CEP83: variants seen among roughly 807,000 people sequenced by gnomAD.
CEP83 encodes the protein centrosomal protein 83.
CEP83 carries 70 observed loss-of-function variants against 101.9 expected under a neutral mutation model. The observed-to-expected ratio is 0.69, with a 90% CI of 0.57 to 0.84. The LOEUF (loss-of-function observed/expected upper bound fraction) is 0.84. Ranked by LOEUF, CEP83 falls within the 40% of genes least tolerant of loss-of-function variation. The probability of loss-of-function intolerance (pLI) is 0.00; values close to 1 mark genes in which losing one functional copy is unlikely to be tolerated. For synonymous variants in CEP83, 264 were observed against 267.9 expected, an observed-to-expected ratio of 0.99 and a Z score of 0.14; for missense variants, 715 against 787.2, an observed-to-expected ratio of 0.91 and a Z score of 1.10.
chr12:94,271,451 C>A, the CEP83 span, among the ~76,000 whole-genome samples: 1 of 152,334 alleles, frequency 6.6e-6, no homozygotes, highest in East Asian at 1.9e-4. Context: ...CCCAAAACCA[C>A]CAAATCATGT....
intron 1 of CEP83, among the ~76,000 whole-genome samples, chr12:94,452,026 A>T (rs1026016198): frequency 6.6e-6 from 1 of 152,246 alleles, no homozygotes; most frequent in African/African-American, 2.4e-5. Flanking sequence ...ATTAAAAAGA[A>T]CAAAACATTG....
At chr12:94,349,508 T>C (rs1478679167) in intron 11 of CEP83, among the ~76,000 whole-genome samples, 1 of 151,872 alleles carries the variant, frequency 6.6e-6, no homozygotes, top group Non-Finnish European at 1.5e-5. Context: ...ATTAAAAGAA[T>C]GAAGAAAAAA....
At chr12:94,277,164 C>G in the CEP83 span, 2 of 152,264 alleles carry the variant, frequency 1.3e-5, no homozygotes, top group African/African-American at 4.8e-5. Context: ...GTGAGAGCCC[C>G]CTTTCTCATG....
At chr12:94,450,768 T>C (rs966041019) in intron 1 of CEP83, among the ~76,000 whole-genome samples, 2 of 152,246 alleles carry the variant, frequency 1.3e-5, no homozygotes, top group Non-Finnish European at 2.9e-5. Context: ...TCAAGATGGT[T>C]AAGTTAGTGA....
intron 4 of CEP83, among the ~76,000 whole-genome samples, chr12:94,404,974 G>A (rs190675723): frequency 6.6e-6 from 1 of 152,260 alleles, no homozygotes; most frequent in Non-Finnish European, 1.5e-5. Flanking sequence ...TATATTTTAC[G>A]AAGAAGCAAG....
Position 94,409,499 on chromosome 12 carries a change from CT to C in CEP83, c.324+2197del, listed in dbSNP as rs2063750366. Among the ~76,000 whole-genome samples, 4 of 152,240 alleles carry C rather than the reference CT, an allele frequency of 2.6e-5. No homozygotes were observed. In the East Asian group the frequency reaches 7.7e-4, roughly 29 times the overall value. ...TTAATCTATAAATACAATTGGATCA[CT>C]TTAAAAAGTTCACCAGGTTCTCTAG... On this transcript the variant is annotated intron_variant, in intron 4 of 16. Coordinates refer to ENST00000397809, the MANE Select transcript of CEP83 (RefSeq NM_016122.3).
chr12:94,445,287 A>G (rs1021234457), intron 1 of CEP83, among the ~76,000 whole-genome samples: 3 of 152,096 alleles, frequency 2.0e-5, no homozygotes, highest in African/African-American at 7.2e-5. Context: ...ACACACACAC[A>G]CACACAAAGA....
the CEP83 span, among the ~76,000 whole-genome samples, chr12:94,295,878 T>C: frequency 6.6e-6 from 1 of 152,172 alleles, no homozygotes; most frequent in African/African-American, 2.4e-5. Flanking sequence ...AGCTCTCCTC[T>C]CAGCAGATGA....
At chr12:94,297,557 T>A in the CEP83 span, 1 of 641,796 alleles carries the variant, frequency 1.6e-6, no homozygotes, top group African/African-American at 1.8e-5. Context: ...AAGTTTAAAT[T>A]GTAAACACTT....
Position 94,370,123 on chromosome 12 carries a change from C to T in CEP83, c.934-87G>A, listed in dbSNP as rs117829816. 40,700 of 748,492 alleles carry T rather than the reference C, an allele frequency of 0.054. 1,468 individuals are homozygous for T. The highest frequency in any genetic ancestry group is 0.072 in the Non-Finnish European group (31,131 of 430,592). The allele number at this position is 748,492 out of a possible 1,614,324, so 46.4% of individuals were successfully genotyped here. On this transcript the variant is annotated intron_variant, in intron 8 of 16. Transcript: ENST00000397809. The stretch of plus-strand genomic sequence containing the variant: ...CAAAACATAAGTGGAAACAAGAAAA[C>T]GCTCTGGTAGTAAAGTAGAGTCTAA...
chr12:94,321,420 C>A lies in CEP83; in HGVS notation c.1708-8403G>T, dbSNP rs563997781. ...GAACCCTTGTTGGAGAACTAGTGGCCATTTGACACTCCGACCATCTGTGTT... is the reference window on the plus strand; with the variant it reads ...GAACCCTTGTTGGAGAACTAGTGGCAATTTGACACTCCGACCATCTGTGTT... On this transcript the variant is annotated intron_variant, in intron 14 of 16. Transcript: ENST00000397809. Among the ~76,000 whole-genome samples, 6 of 152,304 alleles carry A rather than the reference C, an allele frequency of 3.9e-5. No homozygotes were observed. In the South Asian group the frequency reaches 1.2e-3, roughly 32 times the overall value.
At position 94,424,957 on chromosome 12, in the gene CEP83, G is replaced by A. The variant is rs1009483161; in HGVS notation, c.-102+10318C>T. On this transcript the variant is annotated intron_variant, in intron 2 of 16. Coordinates refer to ENST00000397809, the MANE Select transcript of CEP83 (RefSeq NM_016122.3). ...TAGAAATCCCGGGCCTGGAAGTCAC[G>A]GATAGCAGCATTTTCTCTTTAATGT... is the stretch of plus-strand genomic sequence containing the variant. 8.0e-5 allele frequency: 122 copies of A among 1,520,150 alleles called. No individual in the cohort carries two copies. The South Asian group carries it at 8.7e-4, about 11-fold the overall frequency. The allele number at this position is 1,520,150 out of a possible 1,614,324, so 94.2% of individuals were successfully genotyped here. A position where few individuals can be genotyped will look rare whatever the true frequency, so the allele number is the denominator to read the frequency against.
chr12:94,408,019 T>A (rs1310051782), intron 4 of CEP83: 1 of 152,318 alleles, frequency 6.6e-6, no homozygotes, highest in East Asian at 1.9e-4. Flanking sequence ...GGTTTCACCA[T>A]GTTGGCCAGG....
intron 7 of CEP83, among the ~76,000 whole-genome samples, chr12:94,376,635 A>C (rs1008977269): frequency 1.3e-5 from 2 of 151,066 alleles, no homozygotes; most frequent in Non-Finnish European, 2.9e-5. Context: ...AGGGGAGGGA[A>C]ACTAAAATCT....
downstream of CEP83, chr12:94,303,731 GCTTT>G (rs1968714578): frequency 1.3e-5 from 15 of 1,113,650 alleles, no homozygotes; most frequent in African/African-American, 7.9e-5. Flanking sequence ...GGTGATGGTT[GCTTT>G]TTTTTTTTTT....
chr12:94,359,259 C>T (rs181227869), intron 11 of CEP83, among the ~76,000 whole-genome samples: 1 of 152,182 alleles, frequency 6.6e-6, no homozygotes, highest in African/African-American at 2.4e-5. Flanking sequence ...TGTCTCTAAT[C>T]CCTCTAGTGC....
downstream of CEP83, chr12:94,305,470 T>A: frequency 1.8e-6 from 1 of 550,770 alleles, no homozygotes; most frequent in East Asian, 2.9e-5. Context: ...TGTGCCTGTG[T>A]GTATACCGTG....
chr12:94,321,020 G>T lies in CEP83; in HGVS notation c.1708-8003C>A, dbSNP rs2058722808. Among the ~76,000 whole-genome samples, 3 of 152,146 alleles carry T rather than the reference G, an allele frequency of 2.0e-5. No individual in the cohort carries two copies. The South Asian group carries it at 6.2e-4, about 32-fold the overall frequency. ...CTTTCAGGGATGCCAGTGATTTGTA[G>T]ATTTGGTCTCTTTACATAATCTCAT... On this transcript the variant is annotated intron_variant, in intron 14 of 16. Transcript: ENST00000397809.
chr12:94,348,185 A>G (rs77922908), intron 11 of CEP83, among the ~76,000 whole-genome samples: 3,951 of 152,120 alleles, frequency 0.026, 188 homozygotes, highest in African/African-American at 0.091. Flanking sequence ...TAGAACAAAA[A>G]ATAACAAAGG....
Sources: allele counts gnomAD v4.1 joint callset (sites outside exome capture counted in the v4.1 genomes callset), GRCh38; gene constraint gnomAD v4.1.1; transcripts MANE v1.5; gene names NCBI Gene and HGNC (gene_info 2026-07-23, HGNC 2026-07-21).